Variants in STIL observed in about 807,000 individuals in gnomAD.
STIL encodes the protein SCL-interrupting locus protein.
A neutral mutation model predicts 110.1 loss-of-function variants in STIL; 55 were observed. That is an observed-to-expected ratio of 0.50 (90% confidence interval 0.40 to 0.63). The LOEUF is 0.63. Among genes scored for constraint, STIL ranks in the 20% least tolerant of loss-of-function variants. STIL has a pLI of 0.00. For missense variants in STIL, 1,358 were observed against 1,530.0 expected (o/e 0.89, Z 1.87); for synonymous variants, 481 against 530.0 (o/e 0.91, Z 1.27).
At chr1:47,292,478 TA>T (rs1645523551) in intron 8 of STIL, among the ~76,000 whole-genome samples, 1 of 152,214 alleles carries the variant, frequency 6.6e-6, no homozygotes, top group Non-Finnish European at 1.5e-5. Context: ...AGTCTACCAC[TA>T]TCTGCAAGAC....
At chr1:47,256,704 C>G (rs140660812) in intron 16 of STIL, among the ~76,000 whole-genome samples, 148 of 149,152 alleles carry the variant, frequency 9.9e-4, no homozygotes, top group Middle Eastern at 3.9e-3. Context: ...TTTAAGAGTA[C>G]AAAACATCGG....
Position 47,251,066 on chromosome 1 carries a change from G to A in STIL, c.*70C>T. 1 of 1,454,960 alleles carries A rather than the reference G, an allele frequency of 6.9e-7. No homozygotes were observed. The highest frequency in any genetic ancestry group is 9.4e-7 in the Non-Finnish European group (1 of 1,065,068). The allele number at this position is 1,454,960 out of a possible 1,614,324, so 90.1% of individuals were successfully genotyped here. ...AGAATGATCAGGAGCCTTGTGGTAG[G>A]CTCCTGTTTTCCCTAAGTATCTTCA... On this transcript the variant is annotated 3_prime_UTR_variant, in exon 17 of 17. Coordinates refer to ENST00000371877, the MANE Select transcript of STIL (RefSeq NM_001048166.1).
intron 13 of STIL, 88 bp downstream of exon 13, chr1:47,271,988 T>G (rs915122500): frequency 7.7e-6 from 11 of 1,428,764 alleles, no homozygotes; most frequent in Non-Finnish European, 1.1e-5. Context: ...TACTGCACCA[T>G]GCACCAATTT....
At chr1:47,289,374 A>G in intron 9 of STIL, 61 bp downstream of exon 9, 1 of 1,484,592 alleles carries the variant, frequency 6.7e-7, no homozygotes, top group South Asian at 1.2e-5. Context: ...TGTTGGGTTT[A>G]AACTGCCAAA....
At chr1:47,306,833 T>C (rs955913377) in intron 2 of STIL, among the ~76,000 whole-genome samples, 2 of 152,078 alleles carry the variant, frequency 1.3e-5, no homozygotes, top group Non-Finnish European at 2.9e-5. Context: ...CATGAGTGTA[T>C]AACACGAGAA....
intron 6 of STIL, 157 bp downstream of exon 6, chr1:47,299,748 C>G (rs372727770): frequency 2.3e-6 from 2 of 867,162 alleles, no homozygotes; most frequent in Non-Finnish European, 3.4e-6. Context: ...TCATATTCAA[C>G]GAAAATAAAC....
chr1:47,290,654 G>A (rs551408177), intron 8 of STIL, among the ~76,000 whole-genome samples: 1 of 149,242 alleles, frequency 6.7e-6, no homozygotes, highest in Admixed American at 6.7e-5. Context: ...AGTGAGCCGA[G>A]ATCGCGCCAC....
intron 14 of STIL, among the ~76,000 whole-genome samples, chr1:47,266,528 A>ACTT (rs1644659352): frequency 6.6e-6 from 1 of 152,188 alleles, no homozygotes. Flanking sequence ...CACCCAGCTA[A>ACTT]GTTAAAATAT....
intron 16 of STIL, among the ~76,000 whole-genome samples, chr1:47,254,180 CAAAAAAAAAAAAAAA>C (rs59259774): frequency 9.8e-5 from 6 of 61,428 alleles, no homozygotes; most frequent in East Asian, 7.1e-4. Context: ...GACTCTGTCT[CAAAAAAAAAAAAAAA>C]AAAAAAAAAA....
intron 16 of STIL, among the ~76,000 whole-genome samples, chr1:47,259,285 C>CTTTTTTTTTTTTT: frequency 1.3e-5 from 1 of 76,096 alleles, no homozygotes; most frequent in Non-Finnish European, 2.3e-5. Context: ...CGCGCCCGGC[C>CTTTTTTTTTTTTT]TTTTTTTTTT....
chr1:47,274,754 G>A (rs1325551483), intron 12 of STIL, among the ~76,000 whole-genome samples: 1 of 151,812 alleles, frequency 6.6e-6, no homozygotes, highest in Non-Finnish European at 1.5e-5. Context: ...AGCTGTGGGT[G>A]ATTAAATCAA....
chr1:47,307,752 T>C (rs1290615702), intron 2 of STIL, among the ~76,000 whole-genome samples: 1 of 152,242 alleles, frequency 6.6e-6, no homozygotes. Flanking sequence ...AACAGAGCCA[T>C]ATTTCTCTTC....
chr1:47,295,765 A>G lies in STIL; in HGVS notation c.785T>C (p.Ile262Thr). The part of the protein sequence containing the change: ...PKVYSLPLVG[I>T]WLSGITHIYS... The stretch of plus-strand genomic sequence containing the variant: ...TTTTCATAAATAATGTAATACTTAC[A>G]TTCCCACCAATGGTAGAGAATAAAC... The change falls in exon 7 of 17, where the codon ATT becomes ACT. Residue 262 changes from isoleucine to threonine, a missense_variant and splice_region_variant. Ile to Thr is a moderately conservative substitution (Grantham distance 89). Transcript: ENST00000371877. 1.2e-6 allele frequency: 2 copies of G among 1,604,378 alleles called. No individual in the cohort carries two copies. Among genetic ancestry groups the G allele is most frequent in the Middle Eastern group, 1.7e-4 (1 of 6,040 alleles).
Position 47,272,230 on chromosome 1 carries a change from C to T in STIL, c.2229G>A (p.Leu743=). ...LRLLQAQIQR[L]LEAQSLMPCS... ...AGGGCATCAGAGACTGTGCTTCCAACAAACGCTGAATCTGTATCAATTAAA... is the reference window on the plus strand; with the variant it reads ...AGGGCATCAGAGACTGTGCTTCCAATAAACGCTGAATCTGTATCAATTAAA... The change falls in exon 13 of 17, where the codon TTG becomes TTA. Residue 743 remains leucine (L), a synonymous_variant. Transcript: ENST00000371877. 1 of 1,614,128 alleles carries T rather than the reference C, an allele frequency of 6.2e-7. No individual in the cohort carries two copies.
intron 12 of STIL, among the ~76,000 whole-genome samples, chr1:47,274,175 TG>T (rs1644920026): frequency 1.3e-5 from 2 of 152,278 alleles, no homozygotes; most frequent in African/African-American, 4.8e-5. Context: ...GTGAGAAAAG[TG>T]AAGTGTAGAG....
At chr1:47,276,782 C>G (rs1442759548) in intron 12 of STIL, among the ~76,000 whole-genome samples, 2 of 138,520 alleles carry the variant, frequency 1.4e-5, no homozygotes, top group South Asian at 2.3e-4. Flanking sequence ...CCATTTCACT[C>G]TAGCCTGGGT....
rs187461484 is a variant in STIL, at chr1:47,304,741, G to C, written c.152+148C>G. The C allele has an allele frequency of 4.6e-4, 302 of 660,442 alleles. 1 individual carries two copies. The African/African-American group carries it at 4.7e-3, about 10-fold the overall frequency. The allele number at this position is 660,442 out of a possible 1,614,324, so 40.9% of individuals were successfully genotyped here. ...AAGTACAAGGAACAGATGTTAAGAA[G>C]CAGAAGGAAAATTTTGCCTGAGGGG... On this transcript the variant is annotated intron_variant, in intron 3 of 16. Transcript: ENST00000371877.
rs761923673 is a variant in STIL at position 47,310,330 on chromosome 1, G to A, written c.-11C>T. The A allele has an allele frequency of 6.2e-7, 1 of 1,612,008 alleles. No individual in the cohort carries two copies. Among genetic ancestry groups the A allele is most frequent in the Non-Finnish European group, 8.5e-7 (1 of 1,178,822 alleles). On this transcript the variant is annotated 5_prime_UTR_variant, in exon 2 of 17. Coordinates refer to ENST00000371877, the MANE Select transcript of STIL (RefSeq NM_001048166.1). ...ATATATAGGCTCCATGATGTCTGGT[G>A]AATGATTTCTTTAATTCCAAATCCT...
At chr1:47,265,411 G>A (rs1180909825) in intron 14 of STIL, among the ~76,000 whole-genome samples, 1 of 151,952 alleles carries the variant, frequency 6.6e-6, no homozygotes, top group African/African-American at 2.4e-5. Context: ...TAAATAAACT[G>A]CAGACCTACT....
Sources: gnomAD v4.1 joint callset for allele counts (sites outside exome capture counted in the v4.1 genomes callset) on GRCh38, gnomAD v4.1.1 for gene constraint, MANE v1.5 for transcripts, NCBI Gene and HGNC (gene_info 2026-07-23, HGNC 2026-07-21) for gene names.